Variants in GRIN2B observed in about 807,000 individuals in gnomAD.
GRIN2B encodes glutamate ionotropic receptor NMDA type subunit 2B.
A neutral mutation model predicts 114.5 loss-of-function variants in GRIN2B; 5 were observed. The ratio of observed to expected loss-of-function variants is 0.04; its 90% CI spans 0.02 to 0.09. The LOEUF is 0.09. Among genes scored for constraint, GRIN2B ranks in the 10% least tolerant of loss-of-function variants. GRIN2B has a pLI of 1.00. For missense variants in GRIN2B, 1,108 were observed against 1,943.5 expected (o/e 0.57, Z 8.08); for synonymous variants, 787 against 745.1 (o/e 1.06, Z -0.92).
chr12:13,866,236 CAAAG>C lies in GRIN2B; in HGVS notation c.-18-14_-18-11del, dbSNP rs1865827139. 1.9e-6 allele frequency: 3 copies of C among 1,600,364 alleles called. No homozygotes were observed. The highest frequency in any genetic ancestry group is 1.7e-5 in the Admixed American group (1 of 59,966). ...TCAACTCGTCGACTCCCTGCAAACACAAAGAAAGAGCATGTTAAAATAGGATCTA... is the reference window on the plus strand; with the variant it reads ...TCAACTCGTCGACTCCCTGCAAACACAAAGAGCATGTTAAAATAGGATCTA... On this transcript the variant is annotated splice_polypyrimidine_tract_variant and intron_variant, in intron 2 of 13. Coordinates refer to ENST00000609686, the MANE Select transcript of GRIN2B (RefSeq NM_000834.5).
intron 4 of GRIN2B, among the ~76,000 whole-genome samples, chr12:13,683,057 C>G (rs1339888261): frequency 3.3e-5 from 5 of 152,144 alleles, no homozygotes; most frequent in African/African-American, 1.2e-4. Context: ...AACCTCCTAT[C>G]TATGCCACCT....
Position 13,694,347 on chromosome 12 carries a change from C to T in GRIN2B, c.1011-18488G>A, listed in dbSNP as rs530509648. Among the ~76,000 whole-genome samples, 22 of 152,106 alleles carry T rather than the reference C, an allele frequency of 1.4e-4. No homozygotes were observed. The South Asian group carries it at 3.1e-3, about 22-fold the overall frequency. On this transcript the variant is annotated intron_variant, in intron 4 of 13. Transcript: ENST00000609686. ...AACCAGGTGAGGCATCTGACAAAGG[C>T]AGTGTCAAGTTTATGCAGCAAATGC...
chr12:13,944,734 G>C (rs1300217443), intron 2 of GRIN2B, among the ~76,000 whole-genome samples: 1 of 152,078 alleles, frequency 6.6e-6, no homozygotes, highest in Non-Finnish European at 1.5e-5. Context: ...ACTGACTTGA[G>C]TCCAAAAAAG....
chr12:13,809,353 C>G (rs1199704764), intron 3 of GRIN2B, among the ~76,000 whole-genome samples: 1 of 152,188 alleles, frequency 6.6e-6, no homozygotes, highest in Admixed American at 6.5e-5. Flanking sequence ...CCACTTTGTA[C>G]TAAGCATGTG....
intron 3 of GRIN2B, among the ~76,000 whole-genome samples, chr12:13,831,305 A>C (rs1865141784): frequency 6.6e-6 from 1 of 152,224 alleles, no homozygotes; most frequent in African/African-American, 2.4e-5. Context: ...TAAATGAACT[A>C]AGACAGCAGG....
Position 13,710,485 on chromosome 12 carries a change from G to A in GRIN2B, c.1011-34626C>T, listed in dbSNP as rs571717715. 3.9e-5 allele frequency among the ~76,000 whole-genome samples: 6 copies of A among 152,164 alleles called. No individual in the cohort carries two copies. In the South Asian group the frequency reaches 6.2e-4, roughly 16 times the overall value. On this transcript the variant is annotated intron_variant, in intron 4 of 13. Coordinates refer to ENST00000609686, the MANE Select transcript of GRIN2B (RefSeq NM_000834.5). The stretch of plus-strand genomic sequence containing the variant: ...GATTGTATGTCTAGAAAACCCCATC[G>A]TCTCAGCCCAAAATCTCCTGAAGCT...
chr12:13,784,702 G>A (rs905244462), intron 3 of GRIN2B, among the ~76,000 whole-genome samples: 37 of 152,236 alleles, frequency 2.4e-4, no homozygotes, highest in African/African-American at 8.2e-4. Flanking sequence ...AGCCTGCCAT[G>A]ATAGGAGAAT....
intron 10 of GRIN2B, among the ~76,000 whole-genome samples, chr12:13,590,515 T>C (rs965794342): frequency 2.6e-5 from 4 of 152,212 alleles, no homozygotes; most frequent in African/African-American, 7.2e-5. Flanking sequence ...TGTGTTAGTT[T>C]CTCACTAGTT....
chr12:13,893,001 T>A (rs886399820), intron 2 of GRIN2B, among the ~76,000 whole-genome samples: 5 of 152,162 alleles, frequency 3.3e-5, no homozygotes, highest in Non-Finnish European at 5.9e-5. Flanking sequence ...AACTGAATGA[T>A]GACCTGACCA....
intron 2 of GRIN2B, among the ~76,000 whole-genome samples, chr12:13,930,891 ATG>A (rs1384940639): frequency 6.6e-6 from 1 of 152,220 alleles, no homozygotes; most frequent in Non-Finnish European, 1.5e-5. Context: ...TTGAAATAGC[ATG>A]TGTGTTCAAG....
At chr12:13,701,022 C>A (rs1410187968) in intron 4 of GRIN2B, among the ~76,000 whole-genome samples, 1 of 152,178 alleles carries the variant, frequency 6.6e-6, no homozygotes, top group East Asian at 1.9e-4. Flanking sequence ...AACTTACAAC[C>A]GTGGCAGAAG....
intron 3 of GRIN2B, among the ~76,000 whole-genome samples, chr12:13,774,342 G>A (rs1047621229): frequency 1.3e-5 from 2 of 152,186 alleles, no homozygotes; most frequent in Non-Finnish European, 1.5e-5. Flanking sequence ...GTAATGTGGT[G>A]AAAGGTGAGC....
chr12:13,846,008 C>T (rs532439242), intron 3 of GRIN2B, among the ~76,000 whole-genome samples: 2 of 152,330 alleles, frequency 1.3e-5, no homozygotes, highest in South Asian at 4.1e-4. Context: ...TATTTATTCA[C>T]TCACCTTTCC....
chr12:13,669,858 T>C (rs76350066), intron 5 of GRIN2B, among the ~76,000 whole-genome samples: 22,153 of 152,202 alleles, frequency 0.15, 2,062 homozygotes, highest in Middle Eastern at 0.21. Flanking sequence ...CATTGTGGAC[T>C]ATGATCACCA....
intron 2 of GRIN2B, among the ~76,000 whole-genome samples, chr12:13,874,029 C>T (rs1275788325): frequency 6.6e-6 from 1 of 152,186 alleles, no homozygotes; most frequent in African/African-American, 2.4e-5. Context: ...CCAACAAGTC[C>T]TCTTACATAA....
At chr12:13,796,847 T>C (rs556865218) in intron 3 of GRIN2B, among the ~76,000 whole-genome samples, 7 of 152,316 alleles carry the variant, frequency 4.6e-5, no homozygotes, top group African/African-American at 1.7e-4. Flanking sequence ...ACAAATTCGG[T>C]GGCAAAATTG....
At chr12:13,816,331 C>CAA (rs1336977302) in intron 3 of GRIN2B, among the ~76,000 whole-genome samples, 1 of 152,072 alleles carries the variant, frequency 6.6e-6, no homozygotes, top group Non-Finnish European at 1.5e-5. Context: ...ATTGATAAGA[C>CAA]AAAAAACTAA....
intron 3 of GRIN2B, among the ~76,000 whole-genome samples, chr12:13,789,269 T>C (rs1390803810): frequency 6.6e-6 from 1 of 152,212 alleles, no homozygotes; most frequent in African/African-American, 2.4e-5. Context: ...AATAATGGTA[T>C]CCCATTAACA....
intron 3 of GRIN2B, among the ~76,000 whole-genome samples, chr12:13,827,609 G>T (rs1463034126): frequency 6.7e-6 from 1 of 148,426 alleles, no homozygotes; most frequent in Non-Finnish European, 1.5e-5. Context: ...TCATTTAAAA[G>T]ATGTCTTTCA....
Sources: allele counts gnomAD v4.1 joint callset (sites outside exome capture counted in the v4.1 genomes callset), GRCh38; gene constraint gnomAD v4.1.1; transcripts MANE v1.5; gene names NCBI Gene and HGNC (gene_info 2026-07-23, HGNC 2026-07-21).